The following SPARCL1 variants were observed in gnomAD, a reference collection of about 807,000 sequenced individuals.
SPARCL1 encodes the protein SPARC-like protein 1.
Under a neutral mutation model 67.1 loss-of-function variants are expected in SPARCL1, and 52 were observed. The ratio of observed to expected loss-of-function variants is 0.78; its 90% confidence interval spans 0.62 to 0.98. SPARCL1 has a LOEUF of 0.98. Among genes scored for constraint, SPARCL1 ranks in the 50% least tolerant of loss-of-function variants. The pLI is 0.00. For missense variants in SPARCL1, 717 were observed against 782.4 expected (o/e 0.92, Z 1.00); for synonymous variants, 226 against 267.8 (o/e 0.84, Z 1.52).
At chr4:87,498,303 A>G (rs1219009052) in intron 2 of SPARCL1, among the ~76,000 whole-genome samples, 1 of 152,138 alleles carries the variant, frequency 6.6e-6, no homozygotes, top group Non-Finnish European at 1.5e-5. Flanking sequence ...GGTGCCATGG[A>G]GTTTGTTTTT....
chr4:87,490,352 A>T lies in SPARCL1; in HGVS notation c.1452T>A (p.His484Gln). 2 of 1,613,466 alleles carry T rather than the reference A, an allele frequency of 1.2e-6. No individual in the cohort carries two copies. The highest frequency in any genetic ancestry group is 1.7e-6 in the Non-Finnish European group (2 of 1,179,736). Residue 484 changes from histidine to glutamine, a missense_variant, in exon 7 of 11, where the codon CAT (histidine) becomes CAA (glutamine). Transcript: ENST00000282470. Reference sequence around the variant, plus strand: ...CCAGTCTGCATTTAGTAGCGAATAGATGACAGGAACTAGCATAGGTCTGAT... The same window carrying T: ...CCAGTCTGCATTTAGTAGCGAATAGTTGACAGGAACTAGCATAGGTCTGAT... Reference protein sequence around the residue: ...TDNQTYASSCHLFATKCRLEG... With the variant: ...TDNQTYASSCQLFATKCRLEG...
At chr4:87,527,328 T>G (rs10516793) in intron 1 of SPARCL1, among the ~76,000 whole-genome samples, 48,159 of 151,846 alleles carry the variant, frequency 0.32, 8,523 homozygotes, top group East Asian at 0.54. Context: ...GGTCTCCTTC[T>G]CCACTGAAGA....
At position 87,480,317 on chromosome 4, in the gene SPARCL1, G is replaced by A. The variant is rs993467768; in HGVS notation, c.1817+55C>T. ...TTAGATTTTCCTTTTGCATAGATAT[G>A]TAGATATTTTATCAGAGAGATAAAT... On this transcript the variant is annotated intron_variant, in intron 9 of 10. Transcript: ENST00000282470. 3.4e-6 allele frequency: 5 copies of A among 1,453,564 alleles called. No individual in the cohort carries two copies. In the African/African-American group the frequency reaches 4.3e-5, roughly 12 times the overall value. The allele number at this position is 1,453,564 out of a possible 1,614,324, so 90.0% of individuals were successfully genotyped here.
rs148409025 is a variant in SPARCL1 at position 87,491,623 on chromosome 4, G to A, written c.1286C>T (p.Ala429Val). 3.7e-6 allele frequency: 6 copies of A among 1,612,118 alleles called. No homozygotes were observed. Among genetic ancestry groups the A allele is most frequent in the Admixed American group, 1.7e-5 (1 of 60,014 alleles). The change falls in exon 5 of 11, where the codon GCT (alanine) becomes GTT (valine). Residue 429 changes from alanine to valine, a missense_variant. Physicochemically the swap from Ala to Val is moderately conservative, Grantham distance 64. Coordinates refer to ENST00000282470, the MANE Select transcript of SPARCL1 (RefSeq NM_004684.6). ...CTTGCTTCATGCATACTCACCCACA[G>A]CATGCACCCTCATGTTGCCTTCACT... Reference protein sequence around the residue: ...TSSEGNMRVHAVDSCMSFQCK... With the variant: ...TSSEGNMRVHVVDSCMSFQCK...
chr4:87,507,399 C>A (rs1376181418), intron 1 of SPARCL1, among the ~76,000 whole-genome samples: 1 of 152,202 alleles, frequency 6.6e-6, no homozygotes, highest in African/African-American at 2.4e-5. Flanking sequence ...CTAAATGTAG[C>A]TGAATGAATC....
Position 87,499,514 on chromosome 4 carries a change from A to G in SPARCL1, c.54+7T>C. On this transcript the variant is annotated splice_region_variant and intron_variant, in intron 2 of 10. Coordinates refer to ENST00000282470, the MANE Select transcript of SPARCL1 (RefSeq NM_004684.6). The stretch of plus-strand genomic sequence containing the variant: ...AGAGATGTAATAACAGAAGAAAGGA[A>G]ATTTACCGGGATTGCAGCTGCAGTT... The G allele has an allele frequency of 6.2e-7, 1 of 1,602,970 alleles. No homozygotes were observed. The highest frequency in any genetic ancestry group is 8.5e-7 in the Non-Finnish European group (1 of 1,175,902).
At chr4:87,520,667 G>A (rs943334838) in intron 1 of SPARCL1, among the ~76,000 whole-genome samples, 1 of 152,344 alleles carries the variant, frequency 6.6e-6, no homozygotes, top group South Asian at 2.1e-4. Flanking sequence ...CACCATGGGA[G>A]AGGTTGTAAT....
intron 2 of SPARCL1, 76 bp downstream of exon 2, chr4:87,499,445 A>AT: frequency 8.4e-7 from 1 of 1,188,606 alleles, no homozygotes; most frequent in Middle Eastern, 1.9e-4. Context: ...ATATAAGAAC[A>AT]TTTTCTTTTA....
Position 87,494,098 on chromosome 4 carries a change from CT to C in SPARCL1, c.701del (p.Glu234GlyfsTer20). ...TATCATCAGATTGGGTATTGTCTTC[CT>C]CCTGCTTGCTGTTAGCATGCTCCCT... ...LPREHANSKQEEDNTQSDDIL... is the reference protein window; with the variant it reads ...LPREHANSKQXEDNTQSDDIL... On this transcript the variant is annotated frameshift_variant, in exon 4 of 11. Transcript: ENST00000282470. LOFTEE classifies it high-confidence loss of function. The C allele has an allele frequency of 5.0e-6, 8 of 1,613,828 alleles. No individual in the cohort carries two copies. Among genetic ancestry groups the C allele is most frequent in the Non-Finnish European group, 6.8e-6 (8 of 1,180,026 alleles).
At chr4:87,513,757 G>A (rs1725469605) in intron 1 of SPARCL1, among the ~76,000 whole-genome samples, 1 of 152,164 alleles carries the variant, frequency 6.6e-6, no homozygotes, top group Admixed American at 6.5e-5. Flanking sequence ...TCCCCTAGGG[G>A]ATTTCAAGCT....
At chr4:87,488,885 C>T (rs902529206) in intron 7 of SPARCL1, among the ~76,000 whole-genome samples, 4 of 152,126 alleles carry the variant, frequency 2.6e-5, no homozygotes, top group Non-Finnish European at 5.9e-5. Flanking sequence ...TTTGTTTACA[C>T]TGTGAAGGGA....
chr4:87,527,866 A>AT (rs973729662), intron 1 of SPARCL1, among the ~76,000 whole-genome samples: 2 of 136,754 alleles, frequency 1.5e-5, no homozygotes, highest in African/African-American at 5.8e-5. Context: ...GGTGTTTTGA[A>AT]TAAAAAAAAA....
intron 5 of SPARCL1, 34 bp downstream of exon 5, chr4:87,491,584 A>G (rs1724327471): frequency 1.9e-6 from 3 of 1,541,958 alleles, no homozygotes; most frequent in Non-Finnish European, 2.7e-6. Flanking sequence ...CTTCCTTGAT[A>G]TAGTCACAAA....
chr4:87,475,729 G>C (rs911095281), intron 10 of SPARCL1, among the ~76,000 whole-genome samples: 6 of 152,110 alleles, frequency 3.9e-5, no homozygotes, highest in Admixed American at 6.5e-5. Context: ...TAATTAAAAA[G>C]TCTAAAAACA....
Position 87,494,979 on chromosome 4 carries a change from A to C in SPARCL1, c.201+2T>G. 1.3e-6 allele frequency: 2 copies of C among 1,597,210 alleles called. No individual in the cohort carries two copies. The highest frequency in any genetic ancestry group is 1.7e-6 in the Non-Finnish European group (2 of 1,175,464). ...TATTAATATAAATGATGTTACTTTT[A>C]CCTTATGGTGGGAATCGTCTTCTGT... On this transcript the variant is annotated splice_donor_variant, in intron 3 of 10. Transcript: ENST00000282470. LOFTEE classifies it high-confidence loss of function.
chr4:87,498,900 G>A (rs1159964513), intron 2 of SPARCL1, among the ~76,000 whole-genome samples: 2 of 150,488 alleles, frequency 1.3e-5, no homozygotes, highest in Non-Finnish European at 2.9e-5. Flanking sequence ...TTCAGACGGA[G>A]TCTCACTCTG....
intron 4 of SPARCL1, among the ~76,000 whole-genome samples, chr4:87,492,521 T>C (rs577122211): frequency 2.0e-5 from 3 of 152,252 alleles, no homozygotes; most frequent in East Asian, 3.9e-4. Context: ...ATCAGTGAGA[T>C]TTAGTGCGTT....
chr4:87,516,407 G>A (rs1725584555), intron 1 of SPARCL1, among the ~76,000 whole-genome samples: 1 of 150,882 alleles, frequency 6.6e-6, no homozygotes, highest in Admixed American at 6.6e-5. Flanking sequence ...GTACTCAGTA[G>A]TAGAATCACT....
At chr4:87,488,608 A>G (rs1724174182) in intron 7 of SPARCL1, among the ~76,000 whole-genome samples, 1 of 152,208 alleles carries the variant, frequency 6.6e-6, no homozygotes, top group Non-Finnish European at 1.5e-5. Context: ...GTTCCTTAGC[A>G]GAGCTTGAGT....
Sources: gnomAD v4.1 joint callset for allele counts (sites outside exome capture counted in the v4.1 genomes callset) on GRCh38, gnomAD v4.1.1 for gene constraint, MANE v1.5 for transcripts, NCBI Gene and HGNC (gene_info 2026-07-23, HGNC 2026-07-21) for gene names.